RAB38: variants seen among roughly 807,000 people sequenced by gnomAD.
RAB38 encodes RAB38, member RAS oncogene family.
Under a neutral mutation model 18.4 loss-of-function variants are expected in RAB38, and 15 were observed. The observed-to-expected ratio is 0.82, with a 90% CI of 0.55 to 1.26. The LOEUF (loss-of-function observed/expected upper bound fraction) is 1.26, where lower values mean the gene tolerates loss of function less well. RAB38 is among the 50% of genes most tolerant of loss of function. The pLI is 0.00. For synonymous variants in RAB38, 101 were observed against 104.4 expected (o/e 0.97, Z 0.20); for missense variants, 294 against 267.4 (o/e 1.10, Z -0.69).
chr11:87,830,962 C>A, the RAB38 span, among the ~76,000 whole-genome samples: 17 of 152,066 alleles, frequency 1.1e-4, no homozygotes, highest in African/African-American at 3.9e-4. Flanking sequence ...ATCTGCCTGG[C>A]TAATTTTTGT....
chr11:88,136,895 C>T (rs148594337), intron 2 of RAB38, among the ~76,000 whole-genome samples: 2 of 152,310 alleles, frequency 1.3e-5, no homozygotes, highest in East Asian at 1.9e-4. Context: ...CAGACATTTA[C>T]ACCCCAAGTC....
the RAB38 span, among the ~76,000 whole-genome samples, chr11:87,903,469 T>G: frequency 0.027 from 4,136 of 151,662 alleles, 267 homozygotes; most frequent in Admixed American, 0.16. Flanking sequence ...TATTCATGTT[T>G]TGTAAAGAAC....
chr11:88,061,615 T>A, the RAB38 span: 2 of 149,636 alleles, frequency 1.3e-5, no homozygotes, highest in African/African-American at 2.6e-5. Context: ...TGGAAAGAAA[T>A]TTTTTTTAAT....
At chr11:88,104,172 G>A in the RAB38 span, among the ~76,000 whole-genome samples, 12 of 152,170 alleles carry the variant, frequency 7.9e-5, no homozygotes, top group East Asian at 2.3e-3. Context: ...CTTTGGATGC[G>A]CTCCCTCAGC....
intron 1 of RAB38, chr11:88,165,434 A>AT (rs1416912682): frequency 6.6e-6 from 1 of 152,174 alleles, no homozygotes; most frequent in African/African-American, 2.4e-5. Context: ...AAAATAATGC[A>AT]TATGAATGCA....
At chr11:88,124,193 C>T (rs1321300143) in intron 2 of RAB38, among the ~76,000 whole-genome samples, 1 of 152,158 alleles carries the variant, frequency 6.6e-6, no homozygotes, top group Non-Finnish European at 1.5e-5. Flanking sequence ...CTAGGCAATA[C>T]CATTCAGGAC....
At chr11:87,932,141 G>A in the RAB38 span, among the ~76,000 whole-genome samples, 2 of 152,000 alleles carry the variant, frequency 1.3e-5, no homozygotes, top group African/African-American at 4.8e-5. Flanking sequence ...GGGGGCAAGG[G>A]GAGGGAGAAC....
chr11:87,869,627 A>T, the RAB38 span, among the ~76,000 whole-genome samples: 1 of 151,674 alleles, frequency 6.6e-6, no homozygotes, highest in East Asian at 1.9e-4. Context: ...ACTATATTCA[A>T]GTATTTGTGA....
the RAB38 span, among the ~76,000 whole-genome samples, chr11:87,954,351 T>C: frequency 0.023 from 3,559 of 152,220 alleles, 144 homozygotes; most frequent in African/African-American, 0.082. Context: ...CTCCTCTCTG[T>C]CTCTCCCTTG....
At chr11:87,828,281 C>T in the RAB38 span, among the ~76,000 whole-genome samples, 8 of 152,046 alleles carry the variant, frequency 5.3e-5, no homozygotes, top group Non-Finnish European at 1.0e-4. Flanking sequence ...AAAATTTTCA[C>T]CTTCTTGCTT....
At chr11:87,961,738 A>C in the RAB38 span, among the ~76,000 whole-genome samples, 1 of 152,206 alleles carries the variant, frequency 6.6e-6, no homozygotes, top group African/African-American at 2.4e-5. Context: ...GAGCTGAAGA[A>C]GCACTGTTGG....
chr11:87,940,321 A>G, the RAB38 span, among the ~76,000 whole-genome samples: 1 of 152,130 alleles, frequency 6.6e-6, no homozygotes, highest in African/African-American at 2.4e-5. Flanking sequence ...AGAATGAGAA[A>G]GACACTCATC....
At chr11:88,043,999 C>T in the RAB38 span, among the ~76,000 whole-genome samples, 7 of 152,190 alleles carry the variant, frequency 4.6e-5, no homozygotes, top group Non-Finnish European at 8.8e-5. Flanking sequence ...CACTATCCCT[C>T]AACCTCTTTC....
At chr11:87,976,757 T>C in the RAB38 span, among the ~76,000 whole-genome samples, 1 of 117,992 alleles carries the variant, frequency 8.5e-6, no homozygotes, top group African/African-American at 3.4e-5. Flanking sequence ...TATTTATATA[T>C]ATTTCACATA....
At chr11:88,156,411 T>C (rs1338983589) in intron 1 of RAB38, among the ~76,000 whole-genome samples, 2 of 152,188 alleles carry the variant, frequency 1.3e-5, no homozygotes, top group Non-Finnish European at 2.9e-5. Flanking sequence ...CAATCAAGAA[T>C]GTCATATCCC....
intron 2 of RAB38, among the ~76,000 whole-genome samples, chr11:88,141,111 C>T (rs1183269907): frequency 1.3e-5 from 2 of 152,124 alleles, no homozygotes; most frequent in African/African-American, 4.8e-5. Context: ...GGAAACAGGC[C>T]TACAAGTATT....
the RAB38 span, among the ~76,000 whole-genome samples, chr11:88,059,012 T>C: frequency 6.6e-6 from 1 of 152,206 alleles, no homozygotes; most frequent in Admixed American, 6.5e-5. Flanking sequence ...CCTAAGAGTA[T>C]TGCTTAATGT....
the RAB38 span, among the ~76,000 whole-genome samples, chr11:88,047,208 C>G: frequency 6.6e-6 from 1 of 152,170 alleles, no homozygotes; most frequent in Non-Finnish European, 1.5e-5. Flanking sequence ...TTTGTTGAGT[C>G]TCCCACAATT....
the RAB38 span, among the ~76,000 whole-genome samples, chr11:87,973,293 A>G: frequency 6.6e-6 from 1 of 152,092 alleles, no homozygotes; most frequent in African/African-American, 2.4e-5. Context: ...TAATTATCAG[A>G]GAAAAAAATA....
Sources: gnomAD v4.1 joint callset for allele counts (sites outside exome capture counted in the v4.1 genomes callset) on GRCh38, gnomAD v4.1.1 for gene constraint, MANE v1.5 for transcripts, NCBI Gene and HGNC (gene_info 2026-07-23, HGNC 2026-07-21) for gene names.